The following MAGI1 variants were observed in gnomAD, a reference collection of about 807,000 sequenced individuals.
The protein encoded by MAGI1 is membrane associated guanylate kinase, WW and PDZ domain containing 1, also known as membrane-associated guanylate kinase, WW and PDZ domain-containing protein 1.
Under a neutral mutation model 139.9 loss-of-function variants are expected in MAGI1, and 58 were observed. The ratio of observed to expected loss-of-function variants is 0.41; its 90% CI spans 0.34 to 0.52. MAGI1 has a LOEUF of 0.52. MAGI1 is among the 20% of genes least tolerant of loss of function. The pLI is 0.12. For synonymous variants in MAGI1, 812 were observed against 737.9 expected (o/e 1.10, Z -1.63); for missense variants, 1,874 against 1,901.6 (o/e 0.99, Z 0.27).
At chr3:65,555,587 G>C (rs566175148) in intron 2 of MAGI1, among the ~76,000 whole-genome samples, 1 of 152,180 alleles carries the variant, frequency 6.6e-6, no homozygotes, top group South Asian at 2.1e-4. Context: ...AGCCTGGTAT[G>C]GTGGCTCATG....
At chr3:65,675,759 A>G (rs957562249) in intron 1 of MAGI1, among the ~76,000 whole-genome samples, 2 of 152,226 alleles carry the variant, frequency 1.3e-5, no homozygotes, top group Admixed American at 1.3e-4. Context: ...AACTGATAAC[A>G]ATTGTCTTTG....
In MAGI1 at chr3:65,943,992, T is replaced by A. The variant is rs140137712; in HGVS notation, c.313+94004A>T. ...CAGCATCATATAGCTTGTGGGCCAA[T>A]TTTCATATTTCTCAAATGAAAAAAG... On this transcript the variant is annotated intron_variant, in intron 1 of 22. Coordinates refer to ENST00000402939, the MANE Select transcript of MAGI1 (RefSeq NM_001033057.2). Among the ~76,000 whole-genome samples the A allele has an allele frequency of 8.1e-3, 1,226 of 152,266 alleles. 12 individuals carry two copies. The highest frequency in any genetic ancestry group is 0.029 in the South Asian group (141 of 4,826).
chr3:65,475,442 G>A (rs2107602325), intron 4 of MAGI1, among the ~76,000 whole-genome samples: 1 of 152,268 alleles, frequency 6.6e-6, no homozygotes, highest in South Asian at 2.1e-4. Context: ...TTGAACTCCT[G>A]ACCTCAGGTG....
intron 1 of MAGI1, among the ~76,000 whole-genome samples, chr3:65,863,147 T>G (rs1273000406): frequency 6.6e-6 from 1 of 152,236 alleles, no homozygotes; most frequent in African/African-American, 2.4e-5. Context: ...AATTCCTTAA[T>G]AGTTGACAAA....
chr3:65,522,664 T>C (rs2078215368), intron 2 of MAGI1, among the ~76,000 whole-genome samples: 1 of 152,208 alleles, frequency 6.6e-6, no homozygotes, highest in Non-Finnish European at 1.5e-5. Flanking sequence ...TCATCGTTTC[T>C]TCCCCAGTCA....
intron 7 of MAGI1, among the ~76,000 whole-genome samples, chr3:65,445,107 G>A (rs1346751709): frequency 1.3e-5 from 2 of 152,136 alleles, no homozygotes; most frequent in Non-Finnish European, 2.9e-5. Flanking sequence ...CACAGTCAGG[G>A]AGCAGATTAG....
intron 1 of MAGI1, among the ~76,000 whole-genome samples, chr3:65,758,845 C>T (rs1445578788): frequency 6.6e-6 from 1 of 152,070 alleles, no homozygotes; most frequent in Non-Finnish European, 1.5e-5. Context: ...ACTCCAAACT[C>T]TTTACTGACT....
chr3:65,694,335 T>C (rs2088953040), intron 1 of MAGI1, among the ~76,000 whole-genome samples: 1 of 152,168 alleles, frequency 6.6e-6, no homozygotes, highest in African/African-American at 2.4e-5. Context: ...TTCCATGCCA[T>C]GGTTTAATCT....
At chr3:65,657,946 T>G (rs533346021) in intron 1 of MAGI1, among the ~76,000 whole-genome samples, 1 of 152,318 alleles carries the variant, frequency 6.6e-6, no homozygotes, top group East Asian at 1.9e-4. Context: ...AAGGTCACTG[T>G]TAATTGAAAT....
intron 1 of MAGI1, among the ~76,000 whole-genome samples, chr3:65,705,340 T>G (rs1248278155): frequency 2.6e-5 from 4 of 152,190 alleles, no homozygotes; most frequent in Non-Finnish European, 5.9e-5. Flanking sequence ...CTTTTTGAAT[T>G]TACTGAAATT....
intron 1 of MAGI1, chr3:66,008,821 C>G (rs2067169575): frequency 6.6e-6 from 1 of 152,370 alleles, no homozygotes; most frequent in Non-Finnish European, 1.5e-5. Context: ...GGCCGGGGGG[C>G]AGGGGCCAGA....
chr3:65,741,009 T>G (rs72908225), intron 1 of MAGI1, among the ~76,000 whole-genome samples: 9,138 of 152,162 alleles, frequency 0.06, 914 homozygotes, highest in African/African-American at 0.2. Context: ...CAGCTTTGGG[T>G]GAATAGTGAG....
At chr3:65,712,129 G>A (rs1208605653) in intron 1 of MAGI1, among the ~76,000 whole-genome samples, 1 of 152,136 alleles carries the variant, frequency 6.6e-6, no homozygotes, top group Non-Finnish European at 1.5e-5. Context: ...CCATTGAAAG[G>A]TAGGGTCCAT....
chr3:65,783,701 TTGCCCAGGC>T (rs565275181), intron 1 of MAGI1, among the ~76,000 whole-genome samples: 2 of 149,818 alleles, frequency 1.3e-5, no homozygotes, highest in South Asian at 2.1e-4. Flanking sequence ...TTTTGCCACG[TTGCCCAGGC>T]TGGCCTCAAA....
chr3:65,677,689 C>A (rs561316791), intron 1 of MAGI1, among the ~76,000 whole-genome samples: 1 of 152,298 alleles, frequency 6.6e-6, no homozygotes, highest in South Asian at 2.1e-4. Context: ...TTGGTGGGAA[C>A]CTCTGCACTT....
rs79465294 is a variant in MAGI1 at position 65,983,376 on chromosome 3, G to C, written c.313+54620C>G. 9.6e-4 allele frequency among the ~76,000 whole-genome samples: 146 copies of C among 152,294 alleles called. 2 individuals carry two copies. The East Asian group carries it at 0.027, about 28-fold the overall frequency. ...AGTTCTTTTATGTGAATAATGTGGA[G>C]TACAATGAGACTCTCCGAGGCCTCT... is the stretch of plus-strand genomic sequence containing the variant. On this transcript the variant is annotated intron_variant, in intron 1 of 22. Transcript: ENST00000402939.
At chr3:66,017,181 C>T (rs893378325) in intron 1 of MAGI1, among the ~76,000 whole-genome samples, 2 of 152,220 alleles carry the variant, frequency 1.3e-5, no homozygotes, top group African/African-American at 4.8e-5. Context: ...AACCTTGCTA[C>T]GTTCATGAAG....
intron 1 of MAGI1, among the ~76,000 whole-genome samples, chr3:65,903,838 T>C (rs1010188901): frequency 1.3e-5 from 2 of 151,960 alleles, no homozygotes; most frequent in Non-Finnish European, 2.9e-5. Flanking sequence ...TGAAACCCTG[T>C]CTCTACTAAA....
chr3:65,391,843 T>G (rs1943943075), intron 13 of MAGI1, among the ~76,000 whole-genome samples: 1 of 152,148 alleles, frequency 6.6e-6, no homozygotes, highest in Non-Finnish European at 1.5e-5. Context: ...CTCTAAGAGT[T>G]TGCTATCCAT....
Sources: gnomAD v4.1 joint callset for allele counts (sites outside exome capture counted in the v4.1 genomes callset) on GRCh38, gnomAD v4.1.1 for gene constraint, MANE v1.5 for transcripts, NCBI Gene and HGNC (gene_info 2026-07-23, HGNC 2026-07-21) for gene names.